Variants in CCDC171 observed in about 807,000 individuals in gnomAD.
The protein encoded by CCDC171 is coiled-coil domain-containing protein 171.
Under a neutral mutation model 168.2 loss-of-function variants are expected in CCDC171, and 177 were observed. The observed-to-expected ratio is 1.05, with a 90% CI of 0.93 to 1.19. CCDC171 has a LOEUF of 1.19. CCDC171 is among the 50% of genes most tolerant of loss of function. CCDC171 has a pLI of 0.00. For synonymous variants in CCDC171, 687 were observed against 540.8 expected (o/e 1.27, Z -3.75); for missense variants, 1,991 against 1,539.0 (o/e 1.29, Z -4.91).
chr9:15,989,013 A>G (rs200329890), intron 3 of CCDC171, among the ~76,000 whole-genome samples: 2 of 152,170 alleles, frequency 1.3e-5, no homozygotes, highest in African/African-American at 4.8e-5. Context: ...CAGGGCATAG[A>G]TGAACAAAAG....
intron 6 of CCDC171, 28 bp from the exon 7 acceptor site, chr9:15,623,239 A>T: frequency 6.5e-7 from 1 of 1,531,906 alleles, no homozygotes; most frequent in Non-Finnish European, 8.8e-7. Flanking sequence ...TATAAACTTT[A>T]TTGATGCAAA....
At chr9:15,887,888 C>T (rs1394771676) in intron 24 of CCDC171, 3 of 152,170 alleles carry the variant, frequency 2.0e-5, no homozygotes, top group East Asian at 3.8e-4. Context: ...TTACAACCTG[C>T]TTTCTATATC....
At chr9:15,658,734 A>G (rs1434445230) in intron 8 of CCDC171, among the ~76,000 whole-genome samples, 1 of 152,180 alleles carries the variant, frequency 6.6e-6, no homozygotes, top group African/African-American at 2.4e-5. Flanking sequence ...TCCAGAAGTT[A>G]GAAAAGGCAA....
intron 2 of CCDC171, among the ~76,000 whole-genome samples, chr9:15,567,403 A>G (rs1280133337): frequency 1.3e-5 from 2 of 152,104 alleles, no homozygotes; most frequent in African/African-American, 4.8e-5. Flanking sequence ...GTTCTTCAAG[A>G]TTGTTTTGGC....
intron 16 of CCDC171, among the ~76,000 whole-genome samples, chr9:15,742,212 T>C (rs2054925868): frequency 6.6e-6 from 1 of 152,238 alleles, no homozygotes; most frequent in Non-Finnish European, 1.5e-5. Context: ...ATCTTTATTA[T>C]GTTTCTGATT....
rs537229917 is a variant in CCDC171, at chr9:15,792,505, C to G, written c.3267+7811C>G. ...AAGATACTCCTTGAGAAGAGCTACT[C>G]CAAGACACATAATTGTCAGATTCAC... On this transcript the variant is annotated intron_variant, in intron 21 of 25. Transcript: ENST00000380701. 2.6e-3 allele frequency among the ~76,000 whole-genome samples: 402 copies of G among 152,180 alleles called. 2 individuals carry two copies. Among genetic ancestry groups the G allele is most frequent in the African/African-American group, 9.1e-3 (376 of 41,494 alleles).
chr9:15,616,997 A>T (rs2044129137), intron 6 of CCDC171, among the ~76,000 whole-genome samples: 2 of 152,220 alleles, frequency 1.3e-5, no homozygotes, highest in African/African-American at 4.8e-5. Flanking sequence ...CAGGAAGCTT[A>T]CAATAATGGT....
intron 6 of CCDC171, among the ~76,000 whole-genome samples, chr9:15,612,614 T>C (rs1344140688): frequency 1.3e-5 from 2 of 152,234 alleles, no homozygotes; most frequent in Non-Finnish European, 2.9e-5. Context: ...AACTGTTGTG[T>C]TGAGTGTGCC....
At chr9:15,556,188 C>T (rs921560963) in intron 1 of CCDC171, among the ~76,000 whole-genome samples, 8 of 151,656 alleles carry the variant, frequency 5.3e-5, no homozygotes, top group East Asian at 3.9e-4. Context: ...CAGTTTCTGC[C>T]GAGAGGTCCG....
chr9:15,765,804 A>G (rs2056690083), intron 18 of CCDC171, among the ~76,000 whole-genome samples: 1 of 152,140 alleles, frequency 6.6e-6, no homozygotes, highest in South Asian at 2.1e-4. Context: ...GCAGCAAGGA[A>G]CTTGAAAGTA....
At chr9:15,690,637 A>G (rs1461750059) in intron 10 of CCDC171, among the ~76,000 whole-genome samples, 1 of 152,178 alleles carries the variant, frequency 6.6e-6, no homozygotes, top group Non-Finnish European at 1.5e-5. Flanking sequence ...GAAGTCCTAA[A>G]GCATACTATT....
intron 7 of CCDC171, among the ~76,000 whole-genome samples, chr9:15,636,510 A>G (rs2046210377): frequency 6.6e-6 from 1 of 152,030 alleles, no homozygotes; most frequent in South Asian, 2.1e-4. Context: ...GCACTTTGGG[A>G]GACAGAGGTG....
At chr9:15,892,367 G>T (rs1178501488) in intron 24 of CCDC171, among the ~76,000 whole-genome samples, 1 of 152,058 alleles carries the variant, frequency 6.6e-6, no homozygotes, top group Non-Finnish European at 1.5e-5. Context: ...TTATTTTGAG[G>T]TGTGTTCCTT....
chr9:15,789,615 A>T (rs911615038), intron 21 of CCDC171, among the ~76,000 whole-genome samples: 3 of 152,138 alleles, frequency 2.0e-5, no homozygotes, highest in Non-Finnish European at 4.4e-5. Flanking sequence ...CTTTTTTTAA[A>T]TTATACTTTA....
intron 18 of CCDC171, among the ~76,000 whole-genome samples, chr9:15,764,069 G>A (rs2056594322): frequency 6.6e-6 from 1 of 152,134 alleles, no homozygotes. Context: ...CCCTAACAAA[G>A]GAGTGTGCTT....
intron 7 of CCDC171, among the ~76,000 whole-genome samples, chr9:15,647,704 T>C (rs1467869420): frequency 6.6e-6 from 1 of 151,816 alleles, no homozygotes; most frequent in Non-Finnish European, 1.5e-5. Context: ...CAGGAAGAGG[T>C]TGAATCCCAA....
At chr9:15,942,680 A>G (rs149043336) in intron 25 of CCDC171, among the ~76,000 whole-genome samples, 95 of 152,006 alleles carry the variant, frequency 6.2e-4, no homozygotes, top group Middle Eastern at 3.4e-3. Context: ...TCAGGTAAAG[A>G]GAGTGCTTTG....
At chr9:15,991,880 G>A (rs150699584) in intron 3 of CCDC171, among the ~76,000 whole-genome samples, 11,664 of 151,992 alleles carry the variant, frequency 0.077, 1,471 homozygotes, top group African/African-American at 0.27. Context: ...CTAAATCAGG[G>A]AGAAGTTGAA....
At chr9:15,742,054 T>G (rs1013270949) in intron 16 of CCDC171, among the ~76,000 whole-genome samples, 1 of 146,574 alleles carries the variant, frequency 6.8e-6, no homozygotes, top group East Asian at 2.1e-4. Flanking sequence ...GCCTCTTGTA[T>G]TTTCTAGGTT....
Sources: gnomAD v4.1 joint callset for allele counts (sites outside exome capture counted in the v4.1 genomes callset) on GRCh38, gnomAD v4.1.1 for gene constraint, MANE v1.5 for transcripts, NCBI Gene and HGNC (gene_info 2026-07-23, HGNC 2026-07-21) for gene names.